LAMA3: variants seen among roughly 807,000 people sequenced by gnomAD.
LAMA3 encodes the protein laminin subunit alpha-3.
A neutral mutation model predicts 402.0 loss-of-function variants in LAMA3; 281 were observed. The ratio of observed to expected loss-of-function variants is 0.70; its 90% CI spans 0.63 to 0.77. The LOEUF (loss-of-function observed/expected upper bound fraction) is 0.77, where lower values mean the gene tolerates loss of function less well. Ranked by LOEUF, LAMA3 falls within the 30% of genes least tolerant of loss-of-function variation. The probability of loss-of-function intolerance (pLI) is 0.00; values close to 1 mark genes in which losing one functional copy is unlikely to be tolerated. For synonymous variants in LAMA3, 1,431 were observed against 1,558.4 expected (o/e 0.92, Z 1.93); for missense variants, 3,840 against 4,215.5 (o/e 0.91, Z 2.47).
At chr18:23,878,196 A>C (rs924815313) in intron 39 of LAMA3, among the ~76,000 whole-genome samples, 1 of 152,260 alleles carries the variant, frequency 6.6e-6, no homozygotes, top group African/African-American at 2.4e-5. Context: ...AAGCTGCCAA[A>C]GAACAAAGGG....
chr18:23,865,703 T>G (rs2064338813), intron 36 of LAMA3, among the ~76,000 whole-genome samples: 1 of 152,068 alleles, frequency 6.6e-6, no homozygotes, highest in Non-Finnish European at 1.5e-5. Flanking sequence ...CTTAGAAGAC[T>G]TTGTGGTTCA....
chr18:23,902,203 G>T (rs928746153), intron 48 of LAMA3, among the ~76,000 whole-genome samples: 1 of 152,128 alleles, frequency 6.6e-6, no homozygotes, highest in African/African-American at 2.4e-5. Flanking sequence ...GCATGAGCCT[G>T]TAGTCTCAGC....
chr18:23,695,361 T>A (rs2060664691), intron 1 of LAMA3, among the ~76,000 whole-genome samples: 1 of 152,206 alleles, frequency 6.6e-6, no homozygotes, highest in Non-Finnish European at 1.5e-5. Flanking sequence ...ATGCGTGTTA[T>A]CCCTGTTTGG....
chr18:23,794,946 T>C (rs1397409512), intron 12 of LAMA3, among the ~76,000 whole-genome samples: 1 of 152,266 alleles, frequency 6.6e-6, no homozygotes, highest in Non-Finnish European at 1.5e-5. Context: ...TTTAAATGTA[T>C]GTTATAATTC....
At chr18:23,727,915 G>C (rs1229885913) in intron 2 of LAMA3, among the ~76,000 whole-genome samples, 1 of 151,242 alleles carries the variant, frequency 6.6e-6, no homozygotes, top group Non-Finnish European at 1.5e-5. Context: ...TTTTATTTTT[G>C]TAGAGATAGG....
intron 12 of LAMA3, among the ~76,000 whole-genome samples, chr18:23,795,125 C>A (rs2062737939): frequency 6.6e-6 from 1 of 152,242 alleles, no homozygotes; most frequent in Admixed American, 6.5e-5. Flanking sequence ...TAGGCCCACT[C>A]TCAGCCTAGT....
intron 40 of LAMA3, among the ~76,000 whole-genome samples, chr18:23,883,296 G>A (rs1219231618): frequency 6.6e-6 from 1 of 152,134 alleles, no homozygotes; most frequent in Admixed American, 6.5e-5. Flanking sequence ...GACTACATAG[G>A]TAGGAATCCA....
intron 12 of LAMA3, among the ~76,000 whole-genome samples, chr18:23,806,610 C>T (rs1335895267): frequency 6.6e-6 from 1 of 152,176 alleles, no homozygotes; most frequent in African/African-American, 2.4e-5. Context: ...TCAGTGTCCC[C>T]ATCTTCGTCA....
intron 10 of LAMA3, among the ~76,000 whole-genome samples, 190 bp downstream of exon 10, chr18:23,776,113 A>G (rs1485624258): frequency 6.6e-6 from 1 of 152,134 alleles, no homozygotes; most frequent in Non-Finnish European, 1.5e-5. Context: ...TTACAGTCTT[A>G]TTTATCTCCA....
chr18:23,809,572 A>G (rs2063026967), intron 12 of LAMA3, among the ~76,000 whole-genome samples: 1 of 152,198 alleles, frequency 6.6e-6, no homozygotes, highest in African/African-American at 2.4e-5. Flanking sequence ...TCCAGCCCAT[A>G]GAAGTCTAGT....
chr18:23,881,795 A>C (rs770816836), intron 39 of LAMA3, 141 bp from the exon 40 acceptor site: 7 of 689,866 alleles, frequency 1.0e-5, no homozygotes, highest in Non-Finnish European at 1.9e-5. Flanking sequence ...AGGGATAGGG[A>C]AAATACATGG....
At position 23,914,841 on chromosome 18, in the gene LAMA3, G is replaced by T. The variant is rs1434986565; in HGVS notation, c.7625G>T (p.Gly2542Val). The T allele has an allele frequency of 6.2e-7, 1 of 1,612,108 alleles. No homozygotes were observed. Among genetic ancestry groups the T allele is most frequent in the Non-Finnish European group, 8.5e-7 (1 of 1,178,464 alleles). The change falls in exon 58 of 75, where the codon GGT becomes GTT. Residue 2542 changes from glycine to valine, a missense_variant. By Grantham distance (109) the Gly-to-Val change is moderately radical. Transcript: ENST00000313654. ...DPENVVFYVGGYPPDFKLPSR... is the reference protein window; with the variant it reads ...DPENVVFYVGVYPPDFKLPSR... ...GAAAATGTTGTATTTTATGTTGGAG[G>T]TTACCCACCTGATTTTAAAGTAAGT...
At chr18:23,751,240 G>T (rs2143577269) in intron 5 of LAMA3, 152 bp downstream of exon 5, 1 of 745,460 alleles carries the variant, frequency 1.3e-6, no homozygotes, top group South Asian at 1.7e-5. Flanking sequence ...ATATAATTAG[G>T]AGTTTATATC....
At chr18:23,785,323 T>G (rs1381510269) in intron 12 of LAMA3, among the ~76,000 whole-genome samples, 1 of 152,206 alleles carries the variant, frequency 6.6e-6, no homozygotes, top group Non-Finnish European at 1.5e-5. Context: ...AGAATAGGTA[T>G]TAGGTCATCT....
intron 7 of LAMA3, among the ~76,000 whole-genome samples, chr18:23,760,716 C>T (rs1202183276): frequency 6.6e-6 from 1 of 152,042 alleles, no homozygotes; most frequent in African/African-American, 2.4e-5. Flanking sequence ...TTTAACTACC[C>T]CAACAGTGTC....
intron 21 of LAMA3, among the ~76,000 whole-genome samples, chr18:23,826,092 C>T (rs1402270440): frequency 6.6e-6 from 1 of 152,200 alleles, no homozygotes; most frequent in East Asian, 1.9e-4. Context: ...GTCAGGACGG[C>T]TAGGGGCTGT....
chr18:23,875,414 G>A (rs886149119), intron 38 of LAMA3, among the ~76,000 whole-genome samples: 1 of 152,118 alleles, frequency 6.6e-6, no homozygotes, highest in Non-Finnish European at 1.5e-5. Flanking sequence ...TAATATACAG[G>A]AGATAGAAAT....
rs149118647 is a variant in LAMA3 at position 23,722,360 on chromosome 18, C to T, written c.447+8288C>T. ...AGCTGTGCCGTAAAGGCTGATCCAC[C>T]GTGTGCTCCTTAAGCTCAGCAGCTG... is the stretch of plus-strand genomic sequence containing the variant. On this transcript the variant is annotated intron_variant, in intron 2 of 74. Transcript: ENST00000313654. Among the ~76,000 whole-genome samples the T allele has an allele frequency of 1.6e-4, 25 of 152,346 alleles. No homozygotes were observed. The East Asian group carries it at 2.9e-3, about 18-fold the overall frequency.
intron 8 of LAMA3, among the ~76,000 whole-genome samples, chr18:23,768,134 G>A (rs187043982): frequency 4.1e-4 from 61 of 148,250 alleles, no homozygotes; most frequent in African/African-American, 1.5e-3. Context: ...TGACAAATGG[G>A]ACCTAATTAA....
Sources: gnomAD v4.1 joint callset for allele counts (sites outside exome capture counted in the v4.1 genomes callset) on GRCh38, gnomAD v4.1.1 for gene constraint, MANE v1.5 for transcripts, NCBI Gene and HGNC (gene_info 2026-07-23, HGNC 2026-07-21) for gene names.